Variants in OTOGL observed in about 807,000 individuals in gnomAD.
The protein encoded by OTOGL is otogelin like.
In OTOGL, 285 loss-of-function variants were observed where a neutral mutation model predicts 318.5. That is an observed-to-expected ratio of 0.89 (90% CI 0.81 to 0.99). OTOGL has a LOEUF of 0.99. Ranked by LOEUF, OTOGL falls within the 50% of genes least tolerant of loss-of-function variation. The probability of loss-of-function intolerance (pLI) is 0.00; values close to 1 mark genes in which losing one functional copy is unlikely to be tolerated. For synonymous variants in OTOGL, 987 were observed against 936.5 expected (o/e 1.05, Z -0.99); for missense variants, 2,899 against 2,845.6 (o/e 1.02, Z -0.43).
At chr12:80,319,061 A>C (rs916134198) in intron 33 of OTOGL, among the ~76,000 whole-genome samples, 1 of 152,218 alleles carries the variant, frequency 6.6e-6, no homozygotes, top group African/African-American at 2.4e-5. Flanking sequence ...TTATGCCCCC[A>C]AAAGTAAAAG....
At chr12:80,377,721 C>T (rs1891245102) in intron 58 of OTOGL, 127 bp from the exon 59 acceptor site, 3 of 729,282 alleles carry the variant, frequency 4.1e-6, no homozygotes, top group Middle Eastern at 3.9e-4. Context: ...GATCTTGCAA[C>T]ATGCAGAAGC....
At chr12:80,332,968 A>G (rs1471780682) in intron 37 of OTOGL, 37 bp from the exon 38 acceptor site, 6 of 1,489,774 alleles carry the variant, frequency 4.0e-6, no homozygotes, top group East Asian at 4.8e-5. Context: ...AGATAAATGC[A>G]TTCCACTAAT....
At chr12:80,327,864 CAGG>C (rs1439653641) in intron 35 of OTOGL, among the ~76,000 whole-genome samples, 1 of 140,530 alleles carries the variant, frequency 7.1e-6, no homozygotes, top group Non-Finnish European at 1.5e-5. Flanking sequence ...GAGGCTGAGG[CAGG>C]AGAATGGCAT....
At chr12:80,171,351 A>T (rs1305477637) in intron 1 of OTOGL, among the ~76,000 whole-genome samples, 5 of 152,114 alleles carry the variant, frequency 3.3e-5, no homozygotes, top group African/African-American at 4.8e-5. Flanking sequence ...AAGTTCTGGG[A>T]TTACAGACAT....
At chr12:80,264,050 C>A (rs1882757062) in intron 19 of OTOGL, among the ~76,000 whole-genome samples, 1 of 152,058 alleles carries the variant, frequency 6.6e-6, no homozygotes, top group African/African-American at 2.4e-5. Context: ...ATATACTCAA[C>A]AAAATAAGTT....
chr12:80,364,942 A>G (rs1002642194), intron 52 of OTOGL, among the ~76,000 whole-genome samples: 3 of 152,106 alleles, frequency 2.0e-5, no homozygotes, highest in African/African-American at 7.2e-5. Flanking sequence ...TCTTGCCTGA[A>G]TATAAATAAC....
intron 1 of OTOGL, among the ~76,000 whole-genome samples, chr12:80,108,100 A>G (rs935134221): frequency 6.6e-6 from 1 of 152,148 alleles, no homozygotes; most frequent in Non-Finnish European, 1.5e-5. Context: ...ACTAAAATAA[A>G]AGTTAAAAAG....
At chr12:80,257,416 G>A (rs1592618444) in intron 17 of OTOGL, among the ~76,000 whole-genome samples, 1 of 151,886 alleles carries the variant, frequency 6.6e-6, no homozygotes, top group East Asian at 1.9e-4. Context: ...TAGGGCATGT[G>A]AGGAATGAGG....
chr12:80,323,949 A>G (rs966957557), intron 35 of OTOGL, 109 bp downstream of exon 35: 3 of 762,466 alleles, frequency 3.9e-6, no homozygotes, highest in South Asian at 1.8e-5. Flanking sequence ...TGTATATGCT[A>G]TATATTCTTT....
intron 1 of OTOGL, among the ~76,000 whole-genome samples, chr12:80,171,195 C>T (rs757512044): frequency 3.9e-5 from 6 of 151,994 alleles, no homozygotes; most frequent in Non-Finnish European, 8.8e-5. Context: ...GCCTTAGTCT[C>T]TCAAGTAGAT....
chr12:80,271,555 T>G, intron 23 of OTOGL, 93 bp from the exon 24 acceptor site: 2 of 1,253,694 alleles, frequency 1.6e-6, no homozygotes, highest in Non-Finnish European at 2.2e-6. Flanking sequence ...TCAAAATAGG[T>G]TTAGAATAAA....
chr12:80,192,163 A>G (rs1437868158), intron 1 of OTOGL, among the ~76,000 whole-genome samples: 1 of 152,206 alleles, frequency 6.6e-6, no homozygotes, highest in Admixed American at 6.5e-5. Flanking sequence ...TACAGGACAT[A>G]TGGCAAACTT....
chr12:80,154,859 C>T (rs1490819311), intron 1 of OTOGL, among the ~76,000 whole-genome samples: 1 of 152,214 alleles, frequency 6.6e-6, no homozygotes, highest in African/African-American at 2.4e-5. Context: ...AACTGCCAAA[C>T]TGTCTTGCAA....
At chr12:80,305,252 C>T (rs1180146198) in intron 28 of OTOGL, among the ~76,000 whole-genome samples, 1 of 152,126 alleles carries the variant, frequency 6.6e-6, no homozygotes, top group Non-Finnish European at 1.5e-5. Flanking sequence ...TTTGCATACA[C>T]ATACACTCTC....
chr12:80,328,844 C>A, intron 36 of OTOGL, 100 bp downstream of exon 36: 1 of 1,172,472 alleles, frequency 8.5e-7, no homozygotes. Flanking sequence ...AACAGACAAT[C>A]AACTCTCATA....
intron 3 of OTOGL, among the ~76,000 whole-genome samples, chr12:80,211,444 A>C (rs1330764273): frequency 1.3e-5 from 2 of 152,176 alleles, no homozygotes; most frequent in African/African-American, 2.4e-5. Context: ...AAAACATTAT[A>C]AAGCAAATAT....
chr12:80,294,181 A>G (rs1885230034), intron 26 of OTOGL, among the ~76,000 whole-genome samples: 1 of 152,080 alleles, frequency 6.6e-6, no homozygotes, highest in Admixed American at 6.6e-5. Flanking sequence ...ATTAACTTGA[A>G]ATACATTAGA....
chr12:80,275,589 G>T (rs1312195770), intron 24 of OTOGL, among the ~76,000 whole-genome samples: 1 of 151,898 alleles, frequency 6.6e-6, no homozygotes, highest in Non-Finnish European at 1.5e-5. Context: ...TAAGACGACT[G>T]ACTGCAATTT....
intron 1 of OTOGL, chr12:80,102,793 C>T: frequency 1.6e-6 from 1 of 618,086 alleles, no homozygotes; most frequent in Non-Finnish European, 2.9e-6. Flanking sequence ...ACTAGTTTCC[C>T]AGAGTTGTCT....
Sources: allele counts gnomAD v4.1 joint callset (sites outside exome capture counted in the v4.1 genomes callset), GRCh38; gene constraint gnomAD v4.1.1; transcripts MANE v1.5; gene names NCBI Gene and HGNC (gene_info 2026-07-23, HGNC 2026-07-21).